Variants in LRIG1 observed in about 807,000 individuals in gnomAD.
The protein encoded by LRIG1 is leucine rich repeats and immunoglobulin like domains 1.
A neutral mutation model predicts 99.2 loss-of-function variants in LRIG1; 48 were observed. The observed-to-expected ratio is 0.48, with a 90% CI of 0.38 to 0.62. The LOEUF (loss-of-function observed/expected upper bound fraction) is 0.62. Ranked by LOEUF, LRIG1 falls within the 20% of genes least tolerant of loss-of-function variation. LRIG1 has a pLI of 0.00. For missense variants in LRIG1, 1,646 were observed against 1,434.4 expected (o/e 1.15, Z -2.38); for synonymous variants, 772 against 596.1 (o/e 1.29, Z -4.30).
chr3:66,419,180 G>A (rs1427460319), intron 3 of LRIG1, among the ~76,000 whole-genome samples: 1 of 152,140 alleles, frequency 6.6e-6, no homozygotes, highest in Non-Finnish European at 1.5e-5. Context: ...ACAAAGAGGG[G>A]GTGAGGCCTT....
chr3:66,439,834 C>A (rs1703483523), intron 3 of LRIG1, among the ~76,000 whole-genome samples: 1 of 152,040 alleles, frequency 6.6e-6, no homozygotes, highest in Admixed American at 6.5e-5. Context: ...GACCAAACAC[C>A]CTCACCCGCG....
At chr3:66,425,651 G>A (rs1466968104) in intron 3 of LRIG1, among the ~76,000 whole-genome samples, 3 of 152,192 alleles carry the variant, frequency 2.0e-5, no homozygotes, top group South Asian at 2.1e-4. Context: ...AAGGAACAGC[G>A]CAGCCTTTCT....
intron 7 of LRIG1, among the ~76,000 whole-genome samples, chr3:66,408,535 A>G (rs1702356023): frequency 6.6e-6 from 1 of 152,130 alleles, no homozygotes; most frequent in Non-Finnish European, 1.5e-5. Context: ...CACCAGCTAG[A>G]GAGGGGATCC....
chr3:66,398,645 C>T (rs1020301975), intron 10 of LRIG1, among the ~76,000 whole-genome samples: 21 of 152,114 alleles, frequency 1.4e-4, no homozygotes, highest in Admixed American at 7.9e-4. Flanking sequence ...GGAGGAAGCG[C>T]GTTGGTGGAA....
chr3:66,479,800 T>C (rs764590762), intron 1 of LRIG1, among the ~76,000 whole-genome samples: 14 of 152,332 alleles, frequency 9.2e-5, no homozygotes, highest in Non-Finnish European at 1.6e-4. Context: ...TAATAGCAAG[T>C]GCTGGTGAGG....
intron 3 of LRIG1, among the ~76,000 whole-genome samples, chr3:66,434,767 A>AC (rs1161296624): frequency 2.6e-4 from 39 of 151,692 alleles, no homozygotes; most frequent in African/African-American, 9.2e-4. Flanking sequence ...AAAAAAAAAA[A>AC]AAAAAAACAC....
chr3:66,433,997 A>C (rs1440896675), intron 3 of LRIG1, among the ~76,000 whole-genome samples: 1 of 152,248 alleles, frequency 6.6e-6, no homozygotes, highest in Non-Finnish European at 1.5e-5. Flanking sequence ...TTTTAAGAGA[A>C]AACACAAGAG....
At position 66,429,154 on chromosome 3, in the gene LRIG1, A is replaced by G. The variant is rs189392411; in HGVS notation, c.366-11888T>C. On this transcript the variant is annotated intron_variant, in intron 3 of 18. Transcript: ENST00000273261. ...CAAACAGCTTCCATTAACTCCTTGC[A>G]AAGACGACCCAATGTCCCATCCCCA... Among the ~76,000 whole-genome samples, 317 of 152,342 alleles carry G rather than the reference A, an allele frequency of 2.1e-3. 1 individual carries two copies. The highest frequency in any genetic ancestry group is 3.3e-3 in the Non-Finnish European group (227 of 68,028).
chr3:66,457,711 AG>A (rs1340560002), intron 2 of LRIG1, among the ~76,000 whole-genome samples: 1 of 152,234 alleles, frequency 6.6e-6, no homozygotes, highest in African/African-American at 2.4e-5. Context: ...GACCCTAGTA[AG>A]GGGCAGAACC....
intron 6 of LRIG1, 50 bp from the exon 7 acceptor site, chr3:66,410,322 C>A: frequency 6.5e-7 from 1 of 1,545,334 alleles, no homozygotes; most frequent in Non-Finnish European, 8.8e-7. Flanking sequence ...ACTCCCTTCA[C>A]TGGACAGACA....
chr3:66,398,859 C>G, intron 10 of LRIG1, 111 bp downstream of exon 10: 1 of 870,016 alleles, frequency 1.1e-6, no homozygotes, highest in Non-Finnish European at 1.9e-6. Context: ...GCTGGTGTTT[C>G]CAAATAGCCT....
At chr3:66,423,624 TAAA>T (rs571386929) in intron 3 of LRIG1, among the ~76,000 whole-genome samples, 38 of 152,334 alleles carry the variant, frequency 2.5e-4, no homozygotes, top group South Asian at 1.9e-3. Context: ...CTCCTCTGTC[TAAA>T]TCTCAAATGA....
chr3:66,500,324 C>T lies in LRIG1; in HGVS notation c.84G>A (p.Leu28=), dbSNP rs752648621. 2.3e-5 allele frequency: 35 copies of T among 1,492,614 alleles called. No homozygotes were observed. The highest frequency in any genetic ancestry group is 2.9e-5 in the Non-Finnish European group (33 of 1,126,694). The allele number at this position is 1,492,614 out of a possible 1,614,324, so 92.5% of individuals were successfully genotyped here. A position where few individuals can be genotyped will look rare whatever the true frequency, so the allele number is the denominator to read the frequency against. The change falls in exon 1 of 19, where the codon CTG becomes CTA. Residue 28 remains leucine (L), a synonymous_variant. Transcript: ENST00000273261. ...LLLLWLLLLR[L]EPVTAAAGPR... ...GGCCGGCCGCGGCGGTCACCGGCTCCAGCCGAAGCAAAAGCAGCCAGAGAA... is the reference window on the plus strand; with the variant it reads ...GGCCGGCCGCGGCGGTCACCGGCTCTAGCCGAAGCAAAAGCAGCCAGAGAA...
chr3:66,481,157 C>T (rs12638457), intron 1 of LRIG1, among the ~76,000 whole-genome samples: 1 of 152,306 alleles, frequency 6.6e-6, no homozygotes, highest in South Asian at 2.1e-4. Context: ...CTCAGCACTG[C>T]CCTCGCCAGC....
intron 3 of LRIG1, among the ~76,000 whole-genome samples, chr3:66,434,218 C>T (rs1282354171): frequency 1.3e-5 from 2 of 152,134 alleles, no homozygotes; most frequent in East Asian, 3.8e-4. Context: ...GAATATATAT[C>T]CAGACTATAC....
intron 2 of LRIG1, among the ~76,000 whole-genome samples, chr3:66,451,989 C>T (rs549344597): frequency 1.3e-5 from 2 of 152,276 alleles, no homozygotes; most frequent in East Asian, 1.9e-4. Flanking sequence ...GAACACTCCC[C>T]GTGGGCCGAA....
intron 1 of LRIG1, among the ~76,000 whole-genome samples, chr3:66,477,740 G>A (rs1700754381): frequency 6.6e-6 from 1 of 152,070 alleles, no homozygotes; most frequent in Non-Finnish European, 1.5e-5. Flanking sequence ...TATCATCAGA[G>A]CCAGAAATGT....
In LRIG1 at chr3:66,415,049, T is replaced by C. The variant is rs748667103; in HGVS notation, c.518A>G (p.Asn173Ser). The C allele has an allele frequency of 1.2e-6, 2 of 1,601,470 alleles. No homozygotes were observed. Among genetic ancestry groups the C allele is most frequent in the South Asian group, 1.1e-5 (1 of 88,846 alleles). ...PPIKELNLAG[N>S]RIGTLELGAF... Reference sequence around the variant, plus strand: ...TCCCAACTCCAGGGTGCCAATCCGATTGCCTGCCAGGTTGCTGGAATGATT... The same window carrying C: ...TCCCAACTCCAGGGTGCCAATCCGACTGCCTGCCAGGTTGCTGGAATGATT... The change falls in exon 5 of 19, where the codon AAT becomes AGT. Residue 173 changes from asparagine (N) to serine (S), a missense_variant. Physicochemically the swap from Asn to Ser is conservative, Grantham distance 46. Coordinates refer to ENST00000273261, the MANE Select transcript of LRIG1 (RefSeq NM_015541.3).
At chr3:66,454,390 C>T (rs1704002642) in intron 2 of LRIG1, among the ~76,000 whole-genome samples, 1 of 152,142 alleles carries the variant, frequency 6.6e-6, no homozygotes, top group Non-Finnish European at 1.5e-5. Context: ...GGGAAAGGCA[C>T]TCAGGAAGTT....
Sources: allele counts gnomAD v4.1 joint callset (sites outside exome capture counted in the v4.1 genomes callset), GRCh38; gene constraint gnomAD v4.1.1; transcripts MANE v1.5; gene names NCBI Gene and HGNC (gene_info 2026-07-23, HGNC 2026-07-21).